The following GRIN3A variants were observed in gnomAD, a reference collection of about 807,000 sequenced individuals.
GRIN3A encodes the protein glutamate receptor ionotropic, NMDA 3A.
A neutral mutation model predicts 92.4 loss-of-function variants in GRIN3A; 47 were observed. That is an observed-to-expected ratio of 0.51 (90% CI 0.40 to 0.65). The LOEUF (loss-of-function observed/expected upper bound fraction) is 0.65, where lower values mean the gene tolerates loss of function less well. Ranked by LOEUF, GRIN3A falls within the 30% of genes least tolerant of loss-of-function variation. The pLI, the probability that GRIN3A is intolerant of heterozygous loss-of-function variation, is 0.00. For missense variants in GRIN3A, 1,324 were observed against 1,393.1 expected (o/e 0.95, Z 0.79); for synonymous variants, 527 against 540.6 (o/e 0.97, Z 0.35).
At chr9:101,586,673 G>A (rs1023011505) in intron 6 of GRIN3A, among the ~76,000 whole-genome samples, 6 of 152,226 alleles carry the variant, frequency 3.9e-5, no homozygotes, top group Non-Finnish European at 8.8e-5. Flanking sequence ...CAGGAGGAAT[G>A]TATTGATTTT....
rs553679614 is a variant in GRIN3A, at chr9:101,608,912, G to A, written c.2766+4464C>T. Among the ~76,000 whole-genome samples, 5 of 152,324 alleles carry A rather than the reference G, an allele frequency of 3.3e-5. No individual in the cohort carries two copies. In the South Asian group the frequency reaches 8.3e-4, roughly 25 times the overall value. On this transcript the variant is annotated intron_variant, in intron 6 of 8. Transcript: ENST00000361820. ...AGCTGGGAGGACTTGCTTTGCAGAC[G>A]ATTAAATCAAAATACCTCATTGTGC...
At chr9:101,677,306 T>C (rs1353290514) in intron 2 of GRIN3A, among the ~76,000 whole-genome samples, 1 of 152,078 alleles carries the variant, frequency 6.6e-6, no homozygotes, top group African/African-American at 2.4e-5. Flanking sequence ...TTCTGGCATG[T>C]GGGTTAATCT....
At position 101,687,270 on chromosome 9, in the gene GRIN3A, G is replaced by A. The variant is rs984941419; in HGVS notation, c.700-70C>T. The A allele has an allele frequency of 8.1e-6, 12 of 1,487,002 alleles. No homozygotes were observed. In the African/African-American group the frequency reaches 1.4e-4, roughly 17 times the overall value. The allele number at this position is 1,487,002 out of a possible 1,614,324, so 92.1% of individuals were successfully genotyped here. A position where few individuals can be genotyped will look rare whatever the true frequency, so the allele number is the denominator to read the frequency against. On this transcript the variant is annotated intron_variant, in intron 1 of 8. Transcript: ENST00000361820. Reference sequence around the variant, plus strand: ...AAAGACTTTAACATAGGGTACTTTTGCTTTCTTATGAGGCTTAATCCTTTA... The same window carrying A: ...AAAGACTTTAACATAGGGTACTTTTACTTTCTTATGAGGCTTAATCCTTTA...
intron 1 of GRIN3A, among the ~76,000 whole-genome samples, chr9:101,711,905 C>A (rs1194853440): frequency 6.6e-6 from 1 of 152,174 alleles, no homozygotes; most frequent in Non-Finnish European, 1.5e-5. Flanking sequence ...TCCGTGCCCT[C>A]GGAGATACCA....
intron 5 of GRIN3A, among the ~76,000 whole-genome samples, chr9:101,617,205 TAAAAAAAA>T (rs61141843): frequency 1.9e-5 from 2 of 107,194 alleles, no homozygotes; most frequent in Non-Finnish European, 1.9e-5. Context: ...AGACTCCGTC[TAAAAAAAA>T]AAAAAAAAAA....
chr9:101,637,413 A>G (rs189408571), intron 3 of GRIN3A, among the ~76,000 whole-genome samples: 14 of 152,334 alleles, frequency 9.2e-5, no homozygotes, highest in Non-Finnish European at 1.9e-4. Context: ...GAGCTAGGGC[A>G]TAAACTAGAA....
intron 1 of GRIN3A, among the ~76,000 whole-genome samples, chr9:101,732,105 A>AGTGT: frequency 6.6e-6 from 1 of 152,226 alleles, no homozygotes; most frequent in Non-Finnish European, 1.5e-5. Context: ...TAAAATGAGC[A>AGTGT]ATACTTTCCT....
chr9:101,590,392 A>AT (rs1256564896), intron 6 of GRIN3A, among the ~76,000 whole-genome samples: 7 of 109,022 alleles, frequency 6.4e-5, no homozygotes, highest in South Asian at 2.6e-4. Context: ...TTATTTATTT[A>AT]TTTTTTTGAG....
chr9:101,586,799 A>G (rs1262049071), intron 6 of GRIN3A, among the ~76,000 whole-genome samples: 1 of 152,192 alleles, frequency 6.6e-6, no homozygotes. Flanking sequence ...CATGAGACTC[A>G]AGGCCAGTCA....
intron 3 of GRIN3A, among the ~76,000 whole-genome samples, chr9:101,666,115 C>T (rs1036832097): frequency 1.7e-4 from 26 of 151,876 alleles, no homozygotes; most frequent in African/African-American, 6.0e-4. Context: ...ATCCTATACA[C>T]CAACATCCTG....
At chr9:101,698,261 G>T (rs897753588) in intron 1 of GRIN3A, among the ~76,000 whole-genome samples, 5 of 152,142 alleles carry the variant, frequency 3.3e-5, no homozygotes, top group Non-Finnish European at 2.9e-5. Flanking sequence ...GCATTACTTA[G>T]CATCTATTGG....
intron 6 of GRIN3A, among the ~76,000 whole-genome samples, chr9:101,606,421 C>T (rs1356047183): frequency 6.6e-6 from 1 of 152,136 alleles, no homozygotes; most frequent in African/African-American, 2.4e-5. Flanking sequence ...TGTCGGATGG[C>T]TGTACCCCTG....
At chr9:101,639,542 C>T (rs1485760689) in intron 3 of GRIN3A, among the ~76,000 whole-genome samples, 1 of 152,188 alleles carries the variant, frequency 6.6e-6, no homozygotes, top group Non-Finnish European at 1.5e-5. Flanking sequence ...CAGTAAGGTC[C>T]TTGCCAAACC....
In GRIN3A at chr9:101,569,620, A is replaced by G. The variant is rs1827732702; in HGVS notation, c.*3554T>C. 1 of 151,360 alleles carries G rather than the reference A, an allele frequency of 6.6e-6. No homozygotes were observed. 9.4% of individuals were successfully genotyped at this position (151,360 alleles called of 1,614,324 possible). ...TATTTTCATAAAATGATTAGTAACTAAAAAAAAAGAGTGAGGGAATCCTGG... is the reference window on the plus strand; with the variant it reads ...TATTTTCATAAAATGATTAGTAACTGAAAAAAAAGAGTGAGGGAATCCTGG... On this transcript the variant is annotated 3_prime_UTR_variant, in exon 9 of 9. Transcript: ENST00000361820.
chr9:101,699,981 T>G (rs1165471646), intron 1 of GRIN3A, among the ~76,000 whole-genome samples: 2 of 152,178 alleles, frequency 1.3e-5, no homozygotes, highest in Non-Finnish European at 2.9e-5. Context: ...AGGTTTCTTA[T>G]GCGGTTAAAC....
chr9:101,666,266 T>C (rs966608546), intron 3 of GRIN3A, among the ~76,000 whole-genome samples: 4 of 149,760 alleles, frequency 2.7e-5, no homozygotes, highest in African/African-American at 9.7e-5. Flanking sequence ...CTTCAATCTC[T>C]CTCTTGAACT....
chr9:101,715,602 A>C (rs1004173701), intron 1 of GRIN3A, among the ~76,000 whole-genome samples: 1 of 152,222 alleles, frequency 6.6e-6, no homozygotes, highest in African/African-American at 2.4e-5. Flanking sequence ...ATTAGAAAAA[A>C]AATCAGCAAA....
At chr9:101,706,765 A>G (rs1173562685) in intron 1 of GRIN3A, among the ~76,000 whole-genome samples, 4 of 152,218 alleles carry the variant, frequency 2.6e-5, no homozygotes, top group African/African-American at 9.7e-5. Flanking sequence ...GGAAGCTTCA[A>G]TTTGTTCCTT....
chr9:101,709,658 A>AT (rs1438707942), intron 1 of GRIN3A, among the ~76,000 whole-genome samples: 1 of 152,244 alleles, frequency 6.6e-6, no homozygotes, highest in Non-Finnish European at 1.5e-5. Flanking sequence ...ATTTGGGAGA[A>AT]TAATGCCTTC....
Sources: allele counts gnomAD v4.1 joint callset (sites outside exome capture counted in the v4.1 genomes callset), GRCh38; gene constraint gnomAD v4.1.1; transcripts MANE v1.5; gene names NCBI Gene and HGNC (gene_info 2026-07-23, HGNC 2026-07-21).